Variants in PFKL observed in about 807,000 individuals in gnomAD.
PFKL encodes phosphofructokinase, liver type.
PFKL carries 74 observed loss-of-function variants against 92.1 expected under a neutral mutation model. The observed-to-expected ratio is 0.80, with a 90% CI of 0.67 to 0.97. The LOEUF is 0.97. Among genes scored for constraint, PFKL ranks in the 50% least tolerant of loss-of-function variants. The pLI is 0.00. For missense variants in PFKL, 1,028 were observed against 1,116.6 expected, an observed-to-expected ratio of 0.92 and a Z score of 1.13; for synonymous variants, 494 against 456.4, an observed-to-expected ratio of 1.08 and a Z score of -1.05.
At position 44,319,817 on chromosome 21, in the gene PFKL, G is replaced by A. The variant is rs558852293; in HGVS notation, c.1128-267G>A. The A allele has an allele frequency of 2.1e-4, 108 of 512,960 alleles. 1 individual carries two copies. Among genetic ancestry groups the A allele is most frequent in the Non-Finnish European group, 2.2e-4 (64 of 285,920 alleles). The allele number at this position is 512,960 out of a possible 1,614,324, so 31.8% of individuals were successfully genotyped here. ...TGGGTTCCCATGCGTGCCTCCACCC[G>A]CTACCAAGGTGGCCAACCCTCCCTT... On this transcript the variant is annotated intron_variant, in intron 11 of 21. Transcript: ENST00000349048.
intron 1 of PFKL, among the ~76,000 whole-genome samples, chr21:44,302,680 G>A (rs2040811236): frequency 6.6e-6 from 1 of 152,216 alleles, no homozygotes; most frequent in African/African-American, 2.4e-5. Context: ...TTTGTTGGAT[G>A]TATGGAACAG....
In PFKL at chr21:44,301,068, TTTA is replaced by T. The variant is rs2146404158; in HGVS notation, c.85+879_85+881del. ...CTGTGCAGCGGGGTCTGGTCTGTCT[TTTA>T]GAGTTCAGAAAATGGTTGAGAAAAT... On this transcript the variant is annotated intron_variant, in intron 1 of 21. Coordinates refer to ENST00000349048, the MANE Select transcript of PFKL (RefSeq NM_002626.6). Among the ~76,000 whole-genome samples the T allele has an allele frequency of 2.0e-5, 3 of 152,238 alleles. No individual in the cohort carries two copies. The South Asian group carries it at 6.2e-4, about 32-fold the overall frequency.
At position 44,324,661 on chromosome 21, in the gene PFKL, C is replaced by A. The variant is rs940243918; in HGVS notation, c.1815+6C>A. 2.5e-6 allele frequency: 4 copies of A among 1,572,116 alleles called. No individual in the cohort carries two copies. The highest frequency in any genetic ancestry group is 3.5e-6 in the Non-Finnish European group (4 of 1,156,636). Reference sequence around the variant, plus strand: ...TCAACATCCACGACTTAAAGGTGAGCCCAGCCCAGCCCCTGCTGCGGCAGA... The same window carrying A: ...TCAACATCCACGACTTAAAGGTGAGACCAGCCCAGCCCCTGCTGCGGCAGA... On this transcript the variant is annotated splice_donor_region_variant and intron_variant, in intron 17 of 21. Transcript: ENST00000349048.
chr21:44,311,282 G>A (rs1294396951), intron 3 of PFKL, among the ~76,000 whole-genome samples, 199 bp downstream of exon 3: 4 of 145,010 alleles, frequency 2.8e-5, no homozygotes, highest in East Asian at 2.0e-4. Flanking sequence ...ACCCGTGCAC[G>A]GACACACAGG....
At position 44,325,209 on chromosome 21, in the gene PFKL, C is replaced by G; in HGVS notation, c.1934C>G (p.Ser645Ter). ...TTEFLYNLYSSEGKGVFDCRT... is the reference protein window; with the variant it reads ...TTEFLYNLYS ...GAGTTCCTGTACAACCTGTACTCAT[C>G]AGAGGGCAAGGGCGTCTTCGACTGC... The change falls in exon 19 of 22, where the codon TCA becomes TGA. Residue 645 changes from serine to a stop codon, truncating the protein, a stop_gained. Coordinates refer to ENST00000349048, the MANE Select transcript of PFKL (RefSeq NM_002626.6). LOFTEE classifies it high-confidence loss of function. 6.2e-7 allele frequency: 1 copy of G among 1,613,322 alleles called. No individual in the cohort carries two copies. Among genetic ancestry groups the G allele is most frequent in the Non-Finnish European group, 8.5e-7 (1 of 1,179,842 alleles).
chr21:44,318,074 C>T (rs772594784), intron 9 of PFKL, among the ~76,000 whole-genome samples: 10 of 152,234 alleles, frequency 6.6e-5, no homozygotes, highest in Non-Finnish European at 1.2e-4. Context: ...GCCCTTTGGC[C>T]GGTGCGGACA....
intron 1 of PFKL, chr21:44,306,038 GCCCAAGC>G: frequency 9.7e-7 from 1 of 1,034,946 alleles, no homozygotes; most frequent in Non-Finnish European, 1.3e-6. Context: ...GGAGGAAGGA[GCCCAAGC>G]CCCTTCCAGC....
Position 44,310,205 on chromosome 21 carries a change from A to G in PFKL, c.160-801A>G, listed in dbSNP as rs375800705. ...GTCATGAGTGTCCCTCCCCTCAAAC[A>G]ACAAGAAAGGGCTGGCCGTGCAGTA... On this transcript the variant is annotated intron_variant, in intron 2 of 21. Transcript: ENST00000349048. 5.3e-5 allele frequency among the ~76,000 whole-genome samples: 8 copies of G among 152,338 alleles called. No homozygotes were observed. The East Asian group carries it at 1.4e-3, about 26-fold the overall frequency.
At chr21:44,320,023 G>A (rs1302163987) in intron 11 of PFKL, 61 bp from the exon 12 acceptor site, 13 of 1,478,836 alleles carry the variant, frequency 8.8e-6, no homozygotes, top group East Asian at 4.6e-5. Flanking sequence ...TCACGGCTGC[G>A]CTGTGGCTGT....
At chr21:44,320,309 G>A in intron 12 of PFKL, 162 bp downstream of exon 12, 1 of 550,648 alleles carries the variant, frequency 1.8e-6, no homozygotes, top group Non-Finnish European at 3.2e-6. Context: ...CTGGGCTCAG[G>A]CACCACTGTG....
At chr21:44,304,692 G>T (rs1262154448) in intron 1 of PFKL, among the ~76,000 whole-genome samples, 3 of 138,852 alleles carry the variant, frequency 2.2e-5, no homozygotes, top group African/African-American at 8.0e-5. Context: ...AGCTGTCTGG[G>T]GGGGGCTCGG....
Position 44,325,267 on chromosome 21 carries a change from G to A in PFKL, c.1989+3G>A. 4.4e-6 allele frequency: 7 copies of A among 1,581,538 alleles called. No individual in the cohort carries two copies. The highest frequency in any genetic ancestry group is 6.1e-6 in the Non-Finnish European group (7 of 1,151,178). ...ATGTCCTGGGCCACCTGCAGCAGGT[G>A]TGGGGCAGGGGTGAGGCTCTGAGAG... is the stretch of plus-strand genomic sequence containing the variant. On this transcript the variant is annotated splice_donor_region_variant and intron_variant, in intron 19 of 21. Transcript: ENST00000349048.
At chr21:44,318,338 GC>G (rs1482941321) in intron 9 of PFKL, 131 bp from the exon 10 acceptor site, 2 of 964,694 alleles carry the variant, frequency 2.1e-6, no homozygotes, top group Non-Finnish European at 1.4e-6. Flanking sequence ...CATCTCTGAT[GC>G]CACCTGTTCT....
intron 14 of PFKL, among the ~76,000 whole-genome samples, chr21:44,322,708 C>A (rs538784787): frequency 6.6e-6 from 1 of 152,156 alleles, no homozygotes; most frequent in East Asian, 1.9e-4. Flanking sequence ...GGGGTTCCCA[C>A]GGGGAGCCCA....
intron 1 of PFKL, among the ~76,000 whole-genome samples, chr21:44,301,110 C>G (rs1361685528): frequency 6.6e-6 from 1 of 152,228 alleles, no homozygotes; most frequent in Non-Finnish European, 1.5e-5. Flanking sequence ...GACACACACC[C>G]CCACCCAGCT....
Position 44,313,974 on chromosome 21 carries a change from C to G in PFKL, c.700C>G (p.Pro234Ala). The stretch of plus-strand genomic sequence containing the variant: ...CGACTGGCTGTTCATCCCCGAGGCT[C>G]CACCCGAGGACGGCTGGGAGAACTT... ...GADWLFIPEA[P>A]PEDGWENFMC... The change falls in exon 7 of 22, where the codon CCA (proline) becomes GCA (alanine). Residue 234 changes from proline to alanine, a missense_variant. Pro to Ala is a conservative substitution (Grantham distance 27, BLOSUM62 -1). Coordinates refer to ENST00000349048, the MANE Select transcript of PFKL (RefSeq NM_002626.6). 6.2e-7 allele frequency: 1 copy of G among 1,608,614 alleles called. No homozygotes were observed. The highest frequency in any genetic ancestry group is 8.5e-7 in the Non-Finnish European group (1 of 1,178,614).
chr21:44,317,304 G>A (rs1009456531), intron 9 of PFKL, among the ~76,000 whole-genome samples: 3 of 152,130 alleles, frequency 2.0e-5, no homozygotes, highest in Non-Finnish European at 2.9e-5. Context: ...CCTGTGACTC[G>A]TGTGCTGAGC....
In PFKL at chr21:44,318,586, C is replaced by A. The variant is rs141901906; in HGVS notation, c.1053C>A (p.Cys351Ter). Residue 351 changes from cysteine (C) to a stop codon, truncating the protein, a stop_gained, in exon 10 of 22, where the codon TGC becomes TGA. Coordinates refer to ENST00000349048, the MANE Select transcript of PFKL (RefSeq NM_002626.6). LOFTEE classifies it high-confidence loss of function. ...CAGTGCGGCTGCCCCTCATGGAGTG[C>A]GTGCAGATGGTAAGCCCTGGGCCCC... Reference protein sequence around the residue: ...NQSVRLPLMECVQMTKEVQKA... With the variant: ...NQSVRLPLME The A allele has an allele frequency of 4.6e-6, 7 of 1,517,932 alleles. No homozygotes were observed. The highest frequency in any genetic ancestry group is 6.2e-6 in the Non-Finnish European group (7 of 1,122,186). The allele number at this position is 1,517,932 out of a possible 1,614,324, so 94.0% of individuals were successfully genotyped here.
chr21:44,323,711 C>T (rs12482028), intron 15 of PFKL, 55 bp from the exon 16 acceptor site: 1,188,780 of 1,556,404 alleles, frequency 0.76, 454,872 homozygotes, highest in South Asian at 0.84. Context: ...AGCCTGTCCC[C>T]GGCCCACCCT....
Sources: gnomAD v4.1 joint callset for allele counts (sites outside exome capture counted in the v4.1 genomes callset) on GRCh38, gnomAD v4.1.1 for gene constraint, MANE v1.5 for transcripts, NCBI Gene and HGNC (gene_info 2026-07-23, HGNC 2026-07-21) for gene names.